DYRK4: variants seen among roughly 807,000 people sequenced by gnomAD.
DYRK4 encodes the protein dual specificity tyrosine-phosphorylation-regulated kinase 4.
A neutral mutation model predicts 68.3 loss-of-function variants in DYRK4; 64 were observed. The ratio of observed to expected loss-of-function variants is 0.94; its 90% confidence interval spans 0.77 to 1.15. The LOEUF (loss-of-function observed/expected upper bound fraction) is 1.15, where lower values mean the gene tolerates loss of function less well. DYRK4 is among the 50% of genes most tolerant of loss of function. The pLI, the probability that DYRK4 is intolerant of heterozygous loss-of-function variation, is 0.00. For missense variants in DYRK4, 740 were observed against 764.7 expected, an observed-to-expected ratio of 0.97 and a Z score of 0.38; for synonymous variants, 274 against 289.9, an observed-to-expected ratio of 0.95 and a Z score of 0.56.
rs562026104 is a variant in DYRK4, at chr12:4,575,298, A to ATTGTGTGTGTGTGTGT, written c.132+7250_132+7251insTTGTGTGTGTGTGTGT. 3.5e-3 allele frequency among the ~76,000 whole-genome samples: 501 copies of ATTGTGTGTGTGTGTGT among 144,178 alleles called. 5 individuals are homozygous for ATTGTGTGTGTGTGTGT. The highest frequency in any genetic ancestry group is 8.9e-3 in the African/African-American group (331 of 37,346). The allele number at this position is 144,178 out of a possible 152,430, so 94.6% of individuals were successfully genotyped here. A position where few individuals can be genotyped will look rare whatever the true frequency, so the allele number is the denominator to read the frequency against. ...CTTGCCAATTTACTAACAATAACTT[A>ATTGTGTGTGTGTGTGT]CTGTGTGTGTGTGTGTGTGTGTGTT... On this transcript the variant is annotated intron_variant, in intron 2 of 14. Coordinates refer to ENST00000543431, the MANE Select transcript of DYRK4 (RefSeq NM_001394779.1).
rs976972980 is a variant in DYRK4, at chr12:4,591,359, G to T, written c.463+61G>T. ...CTTATGGAAGGTCGGGGTGTTAAGA[G>T]CTAAGCTGCGCTGGAGTGAGCTAAG... On this transcript the variant is annotated intron_variant, in intron 5 of 14. Transcript: ENST00000543431. The surrounding 1 kb of genome is among the most constrained non-coding windows in gnomAD (Gnocchi z 4.1). 5.0e-6 allele frequency: 8 copies of T among 1,585,070 alleles called. No individual in the cohort carries two copies. Among genetic ancestry groups the T allele is most frequent in the Non-Finnish European group, 6.9e-6 (8 of 1,167,458 alleles).
In DYRK4 at chr12:4,604,828, G is replaced by A. The variant is rs1945121802; in HGVS notation, c.1127-86G>A. The A allele has an allele frequency of 5.5e-6, 8 of 1,442,988 alleles. No individual in the cohort carries two copies. The South Asian group carries it at 1.2e-4, about 22-fold the overall frequency. The allele number at this position is 1,442,988 out of a possible 1,614,324, so 89.4% of individuals were successfully genotyped here. A position where few individuals can be genotyped will look rare whatever the true frequency, so the allele number is the denominator to read the frequency against. Reference sequence around the variant, plus strand: ...CCCTTTCACTGCCAGCGGGGGCGCAGTCTAACTGAGAAGTTGTCCTGGGGG... The same window carrying A: ...CCCTTTCACTGCCAGCGGGGGCGCAATCTAACTGAGAAGTTGTCCTGGGGG... On this transcript the variant is annotated intron_variant, in intron 10 of 14. Transcript: ENST00000543431.
intron 2 of DYRK4, chr12:4,573,140 C>A (rs965502192): frequency 4.5e-5 from 18 of 403,906 alleles, no homozygotes; most frequent in Non-Finnish European, 7.5e-5. Context: ...AAATGGAAGA[C>A]TCGAACTAGA....
intron 2 of DYRK4, chr12:4,581,118 T>C (rs991907708): frequency 4.0e-6 from 1 of 248,984 alleles, no homozygotes; most frequent in Admixed American, 4.8e-5. Context: ...TACTCCCCTG[T>C]GGTCCTTGGG....
At chr12:4,603,808 A>G (rs911855657) in intron 10 of DYRK4, among the ~76,000 whole-genome samples, 2 of 152,210 alleles carry the variant, frequency 1.3e-5, no homozygotes, top group African/African-American at 4.8e-5. Flanking sequence ...GTAACTTTTC[A>G]GTTTTCATTT....
At chr12:4,604,382 T>A (rs1033331404) in intron 10 of DYRK4, among the ~76,000 whole-genome samples, 2 of 152,346 alleles carry the variant, frequency 1.3e-5, no homozygotes, top group South Asian at 4.1e-4. Flanking sequence ...ACCCCAGTTA[T>A]GCGGAAATAA....
At chr12:4,606,293 G>GCTGTCTATCTAT (rs149226177) in intron 11 of DYRK4, among the ~76,000 whole-genome samples, 4 of 151,148 alleles carry the variant, frequency 2.6e-5, no homozygotes, top group Non-Finnish European at 5.9e-5. Context: ...TGGCTGGCTG[G>GCTGTCTATCTAT]CTATCTATCT....
chr12:4,607,978 CT>C (rs1945173508), intron 12 of DYRK4, among the ~76,000 whole-genome samples: 1 of 152,196 alleles, frequency 6.6e-6, no homozygotes, highest in Non-Finnish European at 1.5e-5. Context: ...CAGGCTGCCC[CT>C]CTCCTCATAA....
At chr12:4,590,303 T>G (rs906895448) in intron 3 of DYRK4, 27 bp from the exon 4 acceptor site, 3 of 1,524,416 alleles carry the variant, frequency 2.0e-6, no homozygotes, top group Non-Finnish European at 2.6e-6. Context: ...AAGGCTTTTG[T>G]AACACATGCA....
chr12:4,604,253 A>G (rs1252507077), intron 10 of DYRK4, among the ~76,000 whole-genome samples: 1 of 152,224 alleles, frequency 6.6e-6, no homozygotes, highest in Non-Finnish European at 1.5e-5. Context: ...CAGGATATAA[A>G]CATTATTTTT....
At chr12:4,566,326 C>A (rs1485086048) in intron 1 of DYRK4, among the ~76,000 whole-genome samples, 2 of 152,204 alleles carry the variant, frequency 1.3e-5, no homozygotes, top group Non-Finnish European at 2.9e-5. Context: ...ACCTAATCTA[C>A]CTCCCTGGCC....
At chr12:4,606,633 A>G (rs151161385) in intron 11 of DYRK4, among the ~76,000 whole-genome samples, 175 of 152,272 alleles carry the variant, frequency 1.1e-3, no homozygotes, top group African/African-American at 4.1e-3. Context: ...ATGATTTTAT[A>G]AAGCATCCCC....
intron 3 of DYRK4, chr12:4,590,049 T>G: frequency 1.5e-5 from 14 of 921,282 alleles, no homozygotes; most frequent in Non-Finnish European, 1.9e-5. Context: ...ATGGTAGTGA[T>G]GAAATAATTG....
chr12:4,575,983 A>G (rs1030097964), intron 2 of DYRK4, among the ~76,000 whole-genome samples: 2 of 152,204 alleles, frequency 1.3e-5, no homozygotes, highest in Non-Finnish European at 2.9e-5. Context: ...TTTTACATTC[A>G]TGTATAGTTG....
rs530087286 is a variant in DYRK4 at position 4,575,561 on chromosome 12, G to A, written c.132+7513G>A. On this transcript the variant is annotated intron_variant, in intron 2 of 14. Coordinates refer to ENST00000543431, the MANE Select transcript of DYRK4 (RefSeq NM_001394779.1). ...CCTGACCTCGTGATCCACCCGCCCCGACCTCCCAAAGTGCTGGGATTACAG... is the reference window on the plus strand; with the variant it reads ...CCTGACCTCGTGATCCACCCGCCCCAACCTCCCAAAGTGCTGGGATTACAG... 3.3e-5 allele frequency among the ~76,000 whole-genome samples: 5 copies of A among 152,002 alleles called. 1 individual carries two copies. The South Asian group carries it at 1.0e-3, about 32-fold the overall frequency.
At chr12:4,597,179 T>C in intron 8 of DYRK4, 1 of 1,011,252 alleles carries the variant, frequency 9.9e-7, no homozygotes. Flanking sequence ...GAGCAGATAT[T>C]TTTGGTAAGA....
chr12:4,591,521 C>A lies in DYRK4; in HGVS notation c.463+223C>A. On this transcript the variant is annotated intron_variant, in intron 5 of 14. Transcript: ENST00000543431. The surrounding 1 kb of genome is among the most constrained non-coding windows in gnomAD (Gnocchi z 4.1). ...ATTTCCCCCAAGGAGTGGCTCTGGG[C>A]AAGGGCGGGATGTACCAATGCAGAC... is the stretch of plus-strand genomic sequence containing the variant. The A allele has an allele frequency of 1.7e-6, 1 of 582,242 alleles. No homozygotes were observed. Among genetic ancestry groups the A allele is most frequent in the Non-Finnish European group, 2.9e-6 (1 of 348,588 alleles). The allele number at this position is 582,242 out of a possible 1,614,324, so 36.1% of individuals were successfully genotyped here. A position where few individuals can be genotyped will look rare whatever the true frequency, so the allele number is the denominator to read the frequency against.
Position 4,591,158 on chromosome 12 carries a change from A to G in DYRK4, c.325-2A>G. The G allele has an allele frequency of 1.2e-6, 2 of 1,613,974 alleles. No homozygotes were observed. Among genetic ancestry groups the G allele is most frequent in the Non-Finnish European group, 1.7e-6 (2 of 1,179,946 alleles). On this transcript the variant is annotated splice_acceptor_variant, in intron 4 of 14. Coordinates refer to ENST00000543431, the MANE Select transcript of DYRK4 (RefSeq NM_001394779.1). LOFTEE classifies it high-confidence loss of function. The surrounding 1 kb of genome is among the most constrained non-coding windows in gnomAD (Gnocchi z 4.1). ...TTATTGCAAACCTCTTTTCCTGGAC[A>G]GGAGAATCAAGCTCACAATCAGATG...
At position 4,590,333 on chromosome 12, in the gene DYRK4, AC is replaced by A; in HGVS notation, c.219del (p.Ser74ValfsTer17). 1.3e-6 allele frequency: 2 copies of A among 1,534,618 alleles called. No homozygotes were observed. The highest frequency in any genetic ancestry group is 1.7e-6 in the Non-Finnish European group (2 of 1,146,356). The part of the protein sequence containing the change: ...SRMTQVFHKN[T>X]SVTSLPFVDT... ...CATGCAATTTCTCCTTCTACAGAAC[AC>A]CAGTGTTACTTCACTCCCCTTTGTG... is the stretch of plus-strand genomic sequence containing the variant. On this transcript the variant is annotated frameshift_variant, in exon 4 of 15. Coordinates refer to ENST00000543431, the MANE Select transcript of DYRK4 (RefSeq NM_001394779.1). LOFTEE classifies it high-confidence loss of function.
Sources: gnomAD v4.1 joint callset for allele counts (sites outside exome capture counted in the v4.1 genomes callset) on GRCh38, gnomAD v4.1.1 for gene constraint, Gnocchi (gnomAD v3.1) non-coding constraint, MANE v1.5 for transcripts, NCBI Gene and HGNC (gene_info 2026-07-23, HGNC 2026-07-21) for gene names.